APC: variants seen among roughly 807,000 people sequenced by gnomAD.
APC encodes APC regulator of Wnt signaling pathway.
A neutral mutation model predicts 247.0 loss-of-function variants in APC; 72 were observed. The ratio of observed to expected loss-of-function variants is 0.29; its 90% confidence interval spans 0.24 to 0.35. The LOEUF (loss-of-function observed/expected upper bound fraction) is 0.35, where lower values mean the gene tolerates loss of function less well. APC is among the 10% of genes least tolerant of loss of function. APC has a pLI of 1.00. For synonymous variants in APC, 1,254 were observed against 1,162.5 expected, an observed-to-expected ratio of 1.08 and a Z score of -1.60; for missense variants, 3,400 against 3,360.7, an observed-to-expected ratio of 1.01 and a Z score of -0.29.
At chr5:112,807,430 A>C (rs571784111) in intron 8 of APC, among the ~76,000 whole-genome samples, 1 of 152,104 alleles carries the variant, frequency 6.6e-6, no homozygotes, top group East Asian at 1.9e-4. Flanking sequence ...ATATTTTTAT[A>C]CTATACAACT....
At chr5:112,761,904 A>G (rs1755715743) in intron 2 of APC, among the ~76,000 whole-genome samples, 1 of 152,184 alleles carries the variant, frequency 6.6e-6, no homozygotes, top group South Asian at 2.1e-4. Flanking sequence ...CAAAATTAAA[A>G]ACCTGTGCTT....
chr5:112,830,656 G>C (rs895151270), intron 14 of APC, among the ~76,000 whole-genome samples: 1 of 152,234 alleles, frequency 6.6e-6, no homozygotes, highest in Non-Finnish European at 1.5e-5. Flanking sequence ...GTCAGCAGGT[G>C]AATGGTAAGC....
At chr5:112,808,329 A>G (rs1194914234) in intron 8 of APC, among the ~76,000 whole-genome samples, 1 of 152,224 alleles carries the variant, frequency 6.6e-6, no homozygotes, top group Non-Finnish European at 1.5e-5. Flanking sequence ...AAGGTCCATG[A>G]ATAGGAATTA....
intron 1 of APC, among the ~76,000 whole-genome samples, chr5:112,718,850 A>T (rs9326862): frequency 0.49 from 73,760 of 152,078 alleles, 19,138 homozygotes; most frequent in East Asian, 0.79. Flanking sequence ...GGAAATTTCT[A>T]CATTAGCCAT....
At chr5:112,774,000 A>T (rs1316440009) in intron 4 of APC, among the ~76,000 whole-genome samples, 1 of 152,216 alleles carries the variant, frequency 6.6e-6, no homozygotes, top group Non-Finnish European at 1.5e-5. Context: ...ATAACATCTC[A>T]CAAGGGCAGT....
At chr5:112,786,886 C>CTTTTTTTTT (rs1171592849) in intron 6 of APC, among the ~76,000 whole-genome samples, 22 of 118,124 alleles carry the variant, frequency 1.9e-4, no homozygotes, top group African/African-American at 4.6e-4. Flanking sequence ...TTTTCTTTTT[C>CTTTTTTTTT]TTTTTTTTTT....
intron 1 of APC, among the ~76,000 whole-genome samples, chr5:112,721,487 G>A (rs1416807323): frequency 2.0e-5 from 3 of 152,170 alleles, no homozygotes; most frequent in African/African-American, 7.2e-5. Flanking sequence ...ATTTGGAGAT[G>A]ACGCAGTTAT....
chr5:112,821,421 C>T (rs1439880011), intron 10 of APC, among the ~76,000 whole-genome samples: 3 of 151,552 alleles, frequency 2.0e-5, no homozygotes, highest in Non-Finnish European at 4.4e-5. Flanking sequence ...GCAGGAAGGT[C>T]AATTGAGCCC....
chr5:112,791,255 A>G (rs190936796), intron 6 of APC, among the ~76,000 whole-genome samples: 1 of 152,278 alleles, frequency 6.6e-6, no homozygotes, highest in East Asian at 1.9e-4. Context: ...GTCTCCATAT[A>G]GTGGAAAAGC....
chr5:112,818,097 A>G (rs992009272), intron 9 of APC, among the ~76,000 whole-genome samples: 1 of 152,226 alleles, frequency 6.6e-6, no homozygotes, highest in African/African-American at 2.4e-5. Context: ...AATTGTGACA[A>G]CCAAAAATGT....
At chr5:112,757,532 A>C (rs190103662) in intron 2 of APC, among the ~76,000 whole-genome samples, 1 of 152,216 alleles carries the variant, frequency 6.6e-6, no homozygotes, top group East Asian at 1.9e-4. Context: ...CAGGAATTTG[A>C]GACCAGCCTG....
intron 1 of APC, among the ~76,000 whole-genome samples, chr5:112,747,021 A>G (rs1485575983): frequency 1.3e-5 from 2 of 152,162 alleles, no homozygotes; most frequent in East Asian, 1.9e-4. Context: ...TTCTTTTATT[A>G]AGAGAAGGGG....
intron 2 of APC, among the ~76,000 whole-genome samples, chr5:112,760,471 G>T (rs1285222574): frequency 6.6e-6 from 1 of 152,164 alleles, no homozygotes; most frequent in East Asian, 1.9e-4. Context: ...GGAGATTAAA[G>T]ACCTGAGTTT....
At chr5:112,820,790 ATC>A (rs1435732783) in intron 10 of APC, among the ~76,000 whole-genome samples, 2 of 152,182 alleles carry the variant, frequency 1.3e-5, no homozygotes, top group Non-Finnish European at 2.9e-5. Flanking sequence ...TTTAAAAAAT[ATC>A]TGTTTACTGT....
intron 1 of APC, among the ~76,000 whole-genome samples, chr5:112,719,988 C>T (rs183456445): frequency 1.3e-4 from 20 of 152,264 alleles, no homozygotes; most frequent in Non-Finnish European, 2.9e-4. Context: ...AATATAGGTA[C>T]AATTTGCGTT....
chr5:112,753,865 C>G (rs528283140), intron 1 of APC, among the ~76,000 whole-genome samples: 90 of 152,212 alleles, frequency 5.9e-4, no homozygotes, highest in African/African-American at 2.0e-3. Flanking sequence ...CTACTTAATA[C>G]TTTTTAGCTA....
chr5:112,715,590 ATATT>A (rs756998389), intron 1 of APC, among the ~76,000 whole-genome samples: 2 of 152,188 alleles, frequency 1.3e-5, no homozygotes, highest in African/African-American at 2.4e-5. Context: ...TCTTCCTTAA[ATATT>A]TGTTATAACA....
At chr5:112,759,356 C>CTTTTTTTTTTTTTTTT (rs887438895) in intron 2 of APC, among the ~76,000 whole-genome samples, 40 of 122,306 alleles carry the variant, frequency 3.3e-4, no homozygotes, top group South Asian at 5.3e-4. Context: ...TTCTTTCTTT[C>CTTTTTTTTTTTTTTTT]TTTTTTTTTT....
intron 4 of APC, among the ~76,000 whole-genome samples, chr5:112,774,240 G>T (rs1315000427): frequency 6.6e-6 from 1 of 152,060 alleles, no homozygotes; most frequent in Admixed American, 6.6e-5. Context: ...AAAATACCTA[G>T]TATAGATTGA....
Sources: allele counts gnomAD v4.1 joint callset (sites outside exome capture counted in the v4.1 genomes callset), GRCh38; gene constraint gnomAD v4.1.1; transcripts MANE v1.5; gene names NCBI Gene and HGNC (gene_info 2026-07-23, HGNC 2026-07-21).